The following SGCE variants were observed in gnomAD, a reference collection of about 807,000 sequenced individuals.
The protein encoded by SGCE is sarcoglycan epsilon.
A neutral mutation model predicts 57.8 loss-of-function variants in SGCE; 26 were observed. That is an observed-to-expected ratio of 0.45 (90% CI 0.33 to 0.62). SGCE has a LOEUF of 0.62. SGCE is among the 20% of genes least tolerant of loss of function. The pLI, the probability that SGCE is intolerant of heterozygous loss-of-function variation, is 0.02. For missense variants in SGCE, 468 were observed against 548.6 expected (o/e 0.85, Z 1.47); for synonymous variants, 183 against 189.5 (o/e 0.97, Z 0.28).
intron 1 of SGCE, among the ~76,000 whole-genome samples, chr7:94,648,860 T>C (rs1807494054): frequency 6.6e-6 from 1 of 152,188 alleles, no homozygotes; most frequent in Non-Finnish European, 1.5e-5. Context: ...AGGTAACAAA[T>C]ATTCCACTTT....
chr7:94,599,785 A>G, intron 7 of SGCE, 62 bp from the exon 8 acceptor site: 4 of 1,144,688 alleles, frequency 3.5e-6, no homozygotes, highest in South Asian at 1.2e-5. Context: ...CATTAAGACT[A>G]TATGCTCATG....
At chr7:94,639,296 T>C in intron 1 of SGCE, 1 of 1,179,694 alleles carries the variant, frequency 8.5e-7, no homozygotes, top group South Asian at 1.3e-5. Context: ...AGCAGACATT[T>C]AATTGGCTCC....
At position 94,585,232 on chromosome 7, in the gene SGCE, C is replaced by T; in HGVS notation, c.*267G>A. ...GTAAATTTCACCAGTCATTAGGCTT[C>T]ATTAATAATATTTATTTTAAAGATC... On this transcript the variant is annotated 3_prime_UTR_variant, in exon 11 of 11. Coordinates refer to ENST00000648936, the MANE Select transcript of SGCE (RefSeq NM_003919.3). 2.4e-6 allele frequency: 1 copy of T among 412,790 alleles called. No homozygotes were observed. The highest frequency in any genetic ancestry group is 4.3e-6 in the Non-Finnish European group (1 of 230,918). 25.6% of individuals were successfully genotyped at this position (412,790 alleles called of 1,614,324 possible). A position where few individuals can be genotyped will look rare whatever the true frequency, so the allele number is the denominator to read the frequency against.
At chr7:94,601,323 C>G (rs17479086) in intron 6 of SGCE, among the ~76,000 whole-genome samples, 51,261 of 150,938 alleles carry the variant, frequency 0.34, 9,528 homozygotes, top group Non-Finnish European at 0.41. Context: ...AAAAGAGGGA[C>G]AATTTCCAAA....
intron 10 of SGCE, chr7:94,588,200 G>T: frequency 1.9e-6 from 2 of 1,071,446 alleles, no homozygotes; most frequent in Non-Finnish European, 2.3e-6. Flanking sequence ...CCGCCATCTT[G>T]TTGTCATTGG....
In SGCE at chr7:94,655,777, G is replaced by GAAA. The variant is rs35011167; in HGVS notation, c.109+210_109+212dup. Among the ~76,000 whole-genome samples, 117,197 of 149,884 alleles carry GAAA rather than the reference G, an allele frequency of 0.78. 46,540 individuals carry two copies. The highest frequency in any genetic ancestry group is 0.92 in the African/African-American group (37,678 of 40,876). On this transcript the variant is annotated intron_variant, in intron 1 of 10. Transcript: ENST00000648936. ...GAGGGGCCCGCGGGGGCGCGGAGAG[G>GAAA]AAAAAAAGGCCAGGGGTCAAGCCTG...
chr7:94,644,180 T>C (rs1360869609), intron 1 of SGCE, among the ~76,000 whole-genome samples: 2 of 152,246 alleles, frequency 1.3e-5, no homozygotes, highest in African/African-American at 4.8e-5. Context: ...AGCCAGGATA[T>C]CACTGTACAT....
At chr7:94,586,797 C>T (rs1389709007) in intron 10 of SGCE, 49 of 982,938 alleles carry the variant, frequency 5.0e-5, no homozygotes, top group Non-Finnish European at 5.3e-5. Context: ...CCACCGCACC[C>T]AGCCTCCATT....
chr7:94,655,531 AG>A (rs1285136726), intron 1 of SGCE, among the ~76,000 whole-genome samples: 1 of 151,994 alleles, frequency 6.6e-6, no homozygotes, highest in Non-Finnish European at 1.5e-5. Context: ...AAAGGAAAAA[AG>A]ATGTGTTTGT....
intron 6 of SGCE, among the ~76,000 whole-genome samples, chr7:94,601,357 C>T (rs1799187573): frequency 6.7e-6 from 1 of 148,258 alleles, no homozygotes; most frequent in African/African-American, 2.5e-5. Flanking sequence ...ATCTTTCTGC[C>T]TTCCAGCTGA....
chr7:94,598,733 A>G (rs769328327), intron 9 of SGCE, 42 bp downstream of exon 9: 1 of 1,283,938 alleles, frequency 7.8e-7, no homozygotes, highest in South Asian at 1.2e-5. Context: ...TAGTAAAAAT[A>G]TACATGCATA....
chr7:94,638,092 A>G (rs1406124022), intron 1 of SGCE, among the ~76,000 whole-genome samples: 8 of 152,230 alleles, frequency 5.3e-5, no homozygotes, highest in African/African-American at 1.9e-4. Flanking sequence ...TGATGGCAAT[A>G]TCTAAAGAGA....
chr7:94,590,160 G>C (rs1013204276), intron 9 of SGCE: 1 of 151,920 alleles, frequency 6.6e-6, no homozygotes, highest in Non-Finnish European at 1.5e-5. Context: ...TACACAATCA[G>C]CTCCCATTTG....
At chr7:94,643,914 C>T (rs1437528030) in intron 1 of SGCE, among the ~76,000 whole-genome samples, 4 of 152,116 alleles carry the variant, frequency 2.6e-5, no homozygotes, top group Admixed American at 2.0e-4. Flanking sequence ...CTACCTACAA[C>T]TTTTCAAGAT....
chr7:94,586,923 A>G, intron 10 of SGCE: 1 of 983,480 alleles, frequency 1.0e-6, no homozygotes, highest in Non-Finnish European at 1.2e-6. Flanking sequence ...TCACTAAATA[A>G]AACAATAACA....
chr7:94,655,464 A>AG (rs1383790316), intron 1 of SGCE, among the ~76,000 whole-genome samples: 1 of 151,892 alleles, frequency 6.6e-6, no homozygotes, highest in African/African-American at 2.4e-5. Context: ...ACTTAGCAAG[A>AG]GGGGGAAATT....
intron 5 of SGCE, among the ~76,000 whole-genome samples, chr7:94,611,586 CTG>C (rs778182324): frequency 2.6e-5 from 4 of 152,198 alleles, no homozygotes; most frequent in East Asian, 1.9e-4. Flanking sequence ...GATTGCATGA[CTG>C]TGAATTTACT....
At chr7:94,604,086 A>C (rs577593754) in intron 5 of SGCE, among the ~76,000 whole-genome samples, 2 of 152,266 alleles carry the variant, frequency 1.3e-5, no homozygotes, top group African/African-American at 4.8e-5. Context: ...GAGGCAAACA[A>C]AATATTTTGT....
chr7:94,622,862 T>C (rs1311671492), intron 4 of SGCE, among the ~76,000 whole-genome samples: 1 of 152,186 alleles, frequency 6.6e-6, no homozygotes, highest in African/African-American at 2.4e-5. Flanking sequence ...TTATGGTTTA[T>C]TTGTTTTCCA....
Sources: gnomAD v4.1 joint callset for allele counts (sites outside exome capture counted in the v4.1 genomes callset) on GRCh38, gnomAD v4.1.1 for gene constraint, MANE v1.5 for transcripts, NCBI Gene and HGNC (gene_info 2026-07-23, HGNC 2026-07-21) for gene names.